The following RNF38 variants were observed in gnomAD, a reference collection of about 807,000 sequenced individuals.
RNF38 encodes the protein E3 ubiquitin-protein ligase RNF38.
Under a neutral mutation model 67.2 loss-of-function variants are expected in RNF38, and 15 were observed. The observed-to-expected ratio is 0.22, with a 90% CI of 0.15 to 0.34. RNF38 has a LOEUF of 0.34. Among genes scored for constraint, RNF38 ranks in the 10% least tolerant of loss-of-function variants. RNF38 has a pLI of 1.00. For missense variants in RNF38, 524 were observed against 639.9 expected, an observed-to-expected ratio of 0.82 and a Z score of 1.95; for synonymous variants, 220 against 218.8, an observed-to-expected ratio of 1.01 and a Z score of -0.05.
intron 1 of RNF38, among the ~76,000 whole-genome samples, chr9:36,393,889 C>CA (rs1341277945): frequency 8.5e-5 from 13 of 152,118 alleles, no homozygotes; most frequent in African/African-American, 3.1e-4. Context: ...TGAAAGCAGT[C>CA]ACCAGTTGAC....
upstream of RNF38, among the ~76,000 whole-genome samples, chr9:36,401,963 A>C (rs1347803124): frequency 6.6e-6 from 1 of 152,148 alleles, no homozygotes; most frequent in East Asian, 1.9e-4. Context: ...AATCAGAGTA[A>C]ATGTTGTTTC....
intron 1 of RNF38, among the ~76,000 whole-genome samples, chr9:36,467,930 C>A (rs939298805): frequency 6.6e-6 from 1 of 152,150 alleles, no homozygotes; most frequent in African/African-American, 2.4e-5. Context: ...GGGGATGGAA[C>A]AGAAATCAGG....
chr9:36,411,434 C>T (rs1838322578), intron 2 of RNF38, among the ~76,000 whole-genome samples: 1 of 152,074 alleles, frequency 6.6e-6, no homozygotes, highest in Non-Finnish European at 1.5e-5. Flanking sequence ...CCAAAAAGAA[C>T]TGAAAGCAGG....
At chr9:36,443,625 C>T (rs1302504258) in intron 1 of RNF38, among the ~76,000 whole-genome samples, 1 of 151,838 alleles carries the variant, frequency 6.6e-6, no homozygotes, top group Non-Finnish European at 1.5e-5. Context: ...TATTTCAAGC[C>T]ATCAAACCAT....
intron 4 of RNF38, among the ~76,000 whole-genome samples, chr9:36,362,079 G>A (rs529787140): frequency 6.6e-5 from 10 of 152,230 alleles, no homozygotes; most frequent in Non-Finnish European, 1.3e-4. Context: ...GAATAGGGCC[G>A]GGCACAGTGG....
chr9:36,351,622 GATAA>G (rs1387294185), intron 8 of RNF38, among the ~76,000 whole-genome samples: 4 of 152,140 alleles, frequency 2.6e-5, no homozygotes, highest in Non-Finnish European at 4.4e-5. Context: ...AAGATAGAAA[GATAA>G]ATAGAGAAAA....
intron 10 of RNF38, among the ~76,000 whole-genome samples, chr9:36,342,693 C>T (rs933785301): frequency 1.3e-5 from 2 of 152,128 alleles, no homozygotes; most frequent in Non-Finnish European, 2.9e-5. Context: ...GGTATTAGAA[C>T]TGGATGTCCA....
chr9:36,448,072 G>A (rs758681144), intron 1 of RNF38, among the ~76,000 whole-genome samples: 4 of 152,140 alleles, frequency 2.6e-5, no homozygotes, highest in Non-Finnish European at 4.4e-5. Flanking sequence ...TTTACACCAA[G>A]CACAAAAGGG....
chr9:36,462,129 AG>A (rs1419581118), intron 1 of RNF38, among the ~76,000 whole-genome samples: 1 of 152,234 alleles, frequency 6.6e-6, no homozygotes, highest in Non-Finnish European at 1.5e-5. Flanking sequence ...TAAGAGATGC[AG>A]TAAGATGTGG....
intron 2 of RNF38, among the ~76,000 whole-genome samples, chr9:36,383,111 A>C (rs1427636610): frequency 1.3e-5 from 2 of 152,202 alleles, no homozygotes; most frequent in Non-Finnish European, 2.9e-5. Context: ...GGATCACACA[A>C]TAGTTTACAA....
chr9:36,448,263 T>C (rs186891347), intron 1 of RNF38, among the ~76,000 whole-genome samples: 125 of 152,354 alleles, frequency 8.2e-4, no homozygotes, highest in African/African-American at 2.6e-3. Flanking sequence ...CAAGCACAAA[T>C]GTAAACATAA....
chr9:36,388,219 G>GATTAA (rs1381220960), intron 2 of RNF38, among the ~76,000 whole-genome samples: 5 of 151,986 alleles, frequency 3.3e-5, no homozygotes, highest in Admixed American at 6.6e-5. Context: ...CAAAAGTGTT[G>GATTAA]GTAATGGCTG....
At chr9:36,475,140 T>C (rs1194177232) in intron 1 of RNF38, among the ~76,000 whole-genome samples, 1 of 38,124 alleles carries the variant, frequency 2.6e-5, no homozygotes, top group Non-Finnish European at 5.5e-5. Context: ...AGTGAGACTC[T>C]GCCTCAAAAA....
At chr9:36,360,333 A>G (rs1237408465) in intron 4 of RNF38, among the ~76,000 whole-genome samples, 1 of 152,182 alleles carries the variant, frequency 6.6e-6, no homozygotes, top group East Asian at 1.9e-4. Context: ...TCTTGAATAT[A>G]TCAACCTTAC....
chr9:36,390,681 A>T, intron 1 of RNF38, 65 bp from the exon 2 acceptor site: 1 of 1,497,768 alleles, frequency 6.7e-7, no homozygotes, highest in Non-Finnish European at 9.1e-7. Context: ...AATCACGCCT[A>T]TGAAGGATAG....
chr9:36,347,611 G>A (rs1487004054), intron 9 of RNF38, among the ~76,000 whole-genome samples: 3 of 152,118 alleles, frequency 2.0e-5, no homozygotes, highest in Admixed American at 1.3e-4. Context: ...TAAATGTTGG[G>A]TATTCTGACT....
At chr9:36,365,667 T>TTG (rs1288064291) in intron 4 of RNF38, among the ~76,000 whole-genome samples, 4 of 139,784 alleles carry the variant, frequency 2.9e-5, no homozygotes, top group Non-Finnish European at 3.1e-5. Context: ...TGATAGTTTT[T>TTG]TTTTTTTTTT....
At chr9:36,449,735 T>A (rs1471075271) in intron 1 of RNF38, among the ~76,000 whole-genome samples, 1 of 152,130 alleles carries the variant, frequency 6.6e-6, no homozygotes, top group Non-Finnish European at 1.5e-5. Context: ...GCTCCCAGCC[T>A]AGACCTTATC....
intron 10 of RNF38, among the ~76,000 whole-genome samples, chr9:36,344,608 T>C (rs924525070): frequency 4.6e-5 from 7 of 152,208 alleles, no homozygotes; most frequent in African/African-American, 9.6e-5. Flanking sequence ...GACTAAGACA[T>C]TTAATTTTTA....
Sources: gnomAD v4.1 joint callset for allele counts (sites outside exome capture counted in the v4.1 genomes callset) on GRCh38, gnomAD v4.1.1 for gene constraint, MANE v1.5 for transcripts, NCBI Gene and HGNC (gene_info 2026-07-23, HGNC 2026-07-21) for gene names.